The following MTUS2 variants were observed in gnomAD, a reference collection of about 807,000 sequenced individuals.
The protein encoded by MTUS2 is microtubule-associated tumor suppressor candidate 2.
A neutral mutation model predicts 114.1 loss-of-function variants in MTUS2; 40 were observed. The observed-to-expected ratio is 0.35, with a 90% CI of 0.27 to 0.46. The LOEUF (loss-of-function observed/expected upper bound fraction) is 0.46. Ranked by LOEUF, MTUS2 falls within the 20% of genes least tolerant of loss-of-function variation. The probability of loss-of-function intolerance (pLI) is 1.00; values close to 1 mark genes in which losing one functional copy is unlikely to be tolerated. For missense variants in MTUS2, 1,679 were observed against 1,705.4 expected (o/e 0.98, Z 0.27); for synonymous variants, 688 against 672.0 (o/e 1.02, Z -0.37).
intron 7 of MTUS2, among the ~76,000 whole-genome samples, chr13:29,327,363 T>A (rs1455048368): frequency 6.6e-6 from 1 of 152,098 alleles, no homozygotes; most frequent in African/African-American, 2.4e-5. Context: ...ACCTTCCAAG[T>A]TTCCTGGGAC....
chr13:29,162,274 G>A (rs564912634), intron 5 of MTUS2, among the ~76,000 whole-genome samples: 5 of 152,268 alleles, frequency 3.3e-5, no homozygotes, highest in East Asian at 1.9e-4. Context: ...CTGGGTGAAC[G>A]TGAATTTTAG....
At chr13:28,933,158 C>G (rs1008848407) in intron 2 of MTUS2, among the ~76,000 whole-genome samples, 1 of 120,788 alleles carries the variant, frequency 8.3e-6, no homozygotes, top group African/African-American at 3.0e-5. Context: ...CACACACACA[C>G]ACACAGATTG....
intron 8 of MTUS2, among the ~76,000 whole-genome samples, chr13:29,418,737 C>T (rs1875860206): frequency 6.6e-6 from 1 of 152,188 alleles, no homozygotes; most frequent in Non-Finnish European, 1.5e-5. Flanking sequence ...CAGAGTTCTT[C>T]TAAGATGTTG....
At chr13:29,013,642 G>T (rs1191683418) in intron 2 of MTUS2, among the ~76,000 whole-genome samples, 1 of 152,174 alleles carries the variant, frequency 6.6e-6, no homozygotes, top group Admixed American at 6.5e-5. Context: ...AAAGGAAATG[G>T]GTAGCTAGGG....
rs150172889 is a variant in MTUS2 at position 28,831,375 on chromosome 13, TGACTC to T, written c.-315-8402_-315-8398del. On this transcript the variant is annotated intron_variant, in intron 1 of 15. Transcript: ENST00000612955. ...AGAATTAATAAACATGAAATAAACATGACTCAACTATATGCCATTCACCACACTCA... is the reference window on the plus strand; with the variant it reads ...AGAATTAATAAACATGAAATAAACATAACTATATGCCATTCACCACACTCA... Among the ~76,000 whole-genome samples the T allele has an allele frequency of 3.3e-3, 498 of 152,246 alleles. 5 individuals are homozygous for T. Among genetic ancestry groups the T allele is most frequent in the African/African-American group, 0.012 (483 of 41,540 alleles).
rs184230855 is a variant in MTUS2 at position 29,249,423 on chromosome 13, C to T, written c.2645-32281C>T. 5.0e-4 allele frequency among the ~76,000 whole-genome samples: 76 copies of T among 152,334 alleles called. 2 individuals carry two copies. The East Asian group carries it at 0.012, about 24-fold the overall frequency. ...ATGGTTGAACTAATTTACATTCCCACCAACAGTGTATAAGTGTTCCTGTTT... is the reference window on the plus strand; with the variant it reads ...ATGGTTGAACTAATTTACATTCCCATCAACAGTGTATAAGTGTTCCTGTTT... On this transcript the variant is annotated intron_variant, in intron 5 of 15. Coordinates refer to ENST00000612955, the MANE Select transcript of MTUS2 (RefSeq NM_001033602.4).
chr13:29,259,316 G>T lies in MTUS2; in HGVS notation c.2645-22388G>T, dbSNP rs542406051. Among the ~76,000 whole-genome samples, 10 of 152,168 alleles carry T rather than the reference G, an allele frequency of 6.6e-5. No individual in the cohort carries two copies. In the East Asian group the frequency reaches 1.9e-3, roughly 29 times the overall value. Reference sequence around the variant, plus strand: ...AACCAGCAGGAGATATGCCTTTATTGGAGCACCTCAAGAAGAAAGCAACTG... The same window carrying T: ...AACCAGCAGGAGATATGCCTTTATTTGAGCACCTCAAGAAGAAAGCAACTG... On this transcript the variant is annotated intron_variant, in intron 5 of 15. Coordinates refer to ENST00000612955, the MANE Select transcript of MTUS2 (RefSeq NM_001033602.4).
chr13:29,450,577 A>G (rs765447740), intron 9 of MTUS2, among the ~76,000 whole-genome samples: 1 of 152,220 alleles, frequency 6.6e-6, no homozygotes, highest in Admixed American at 6.5e-5. Context: ...TCACAAAAAG[A>G]ATGTACGTTT....
At chr13:28,933,754 C>G (rs188964960) in intron 2 of MTUS2, among the ~76,000 whole-genome samples, 3 of 152,290 alleles carry the variant, frequency 2.0e-5, no homozygotes, top group African/African-American at 7.2e-5. Flanking sequence ...GAAACAAATG[C>G]TCAGGGTCAT....
chr13:28,820,333 G>T (rs2137910196), upstream of MTUS2: 1 of 150,496 alleles, frequency 6.6e-6, no homozygotes, highest in African/African-American at 2.4e-5. Context: ...GCGGGCGTGG[G>T]CGGGCAGAGG....
intron 5 of MTUS2, among the ~76,000 whole-genome samples, chr13:29,230,650 A>G (rs1896288121): frequency 6.6e-6 from 1 of 152,272 alleles, no homozygotes; most frequent in African/African-American, 2.4e-5. Context: ...AGAAATGTCA[A>G]TTAAGCATTA....
At chr13:28,851,767 G>T (rs997895907) in intron 2 of MTUS2, among the ~76,000 whole-genome samples, 4 of 60,694 alleles carry the variant, frequency 6.6e-5, no homozygotes, top group Non-Finnish European at 1.4e-4. Flanking sequence ...GTCAGTTTCC[G>T]CCCCGGCCCT....
chr13:29,114,141 A>T (rs541795332), intron 5 of MTUS2, among the ~76,000 whole-genome samples: 6 of 151,936 alleles, frequency 3.9e-5, no homozygotes, highest in African/African-American at 1.2e-4. Flanking sequence ...TTGCAGAAAC[A>T]TGAGCTGATT....
intron 2 of MTUS2, among the ~76,000 whole-genome samples, chr13:28,840,070 T>C (rs1875370431): frequency 6.6e-6 from 1 of 151,832 alleles, no homozygotes; most frequent in South Asian, 2.1e-4. Flanking sequence ...TAGTTAGATA[T>C]TGACTGAGTT....
intron 2 of MTUS2, among the ~76,000 whole-genome samples, chr13:28,856,102 A>G (rs1876610041): frequency 6.6e-6 from 1 of 152,186 alleles, no homozygotes; most frequent in South Asian, 2.1e-4. Context: ...TCTTTAAGAA[A>G]CAGAAGAAGG....
In MTUS2 at chr13:29,353,647, G is replaced by A. The variant is rs557487738; in HGVS notation, c.2906-5615G>A. Among the ~76,000 whole-genome samples the A allele has an allele frequency of 3.9e-5, 6 of 152,252 alleles. No individual in the cohort carries two copies. The East Asian group carries it at 5.8e-4, about 15-fold the overall frequency. ...TTTCTGGAGTAAAGTTATGTCACTC[G>A]GAAGGAGTCTGATCATTCTGGGTTT... On this transcript the variant is annotated intron_variant, in intron 7 of 15. Transcript: ENST00000612955.
At chr13:29,098,371 G>A (rs1186350400) in intron 4 of MTUS2, among the ~76,000 whole-genome samples, 1 of 152,174 alleles carries the variant, frequency 6.6e-6, no homozygotes, top group African/African-American at 2.4e-5. Context: ...CTTAGTGTAT[G>A]ATATAGGTAC....
chr13:29,024,243 A>G (rs1257538785), intron 2 of MTUS2, among the ~76,000 whole-genome samples: 2 of 152,222 alleles, frequency 1.3e-5, no homozygotes, highest in African/African-American at 2.4e-5. Flanking sequence ...AAGATCTCAC[A>G]TGCATTTATA....
At chr13:29,325,651 A>G (rs1309872818) in intron 7 of MTUS2, among the ~76,000 whole-genome samples, 1 of 152,154 alleles carries the variant, frequency 6.6e-6, no homozygotes, top group African/African-American at 2.4e-5. Flanking sequence ...ATGTAACACA[A>G]CTTCAAAAGA....
Sources: gnomAD v4.1 joint callset for allele counts (sites outside exome capture counted in the v4.1 genomes callset) on GRCh38, gnomAD v4.1.1 for gene constraint, MANE v1.5 for transcripts, NCBI Gene and HGNC (gene_info 2026-07-23, HGNC 2026-07-21) for gene names.